NOD2: variants seen among roughly 807,000 people sequenced by gnomAD.
NOD2 encodes the protein nucleotide-binding oligomerization domain-containing protein 2.
Under a neutral mutation model 90.9 loss-of-function variants are expected in NOD2, and 86 were observed. The observed-to-expected ratio is 0.95, with a 90% CI of 0.79 to 1.13. The LOEUF is 1.13. Ranked by LOEUF, NOD2 falls within the 50% of genes most tolerant of loss-of-function variation. NOD2 has a pLI of 0.00. For synonymous variants in NOD2, 581 were observed against 554.6 expected, an observed-to-expected ratio of 1.05 and a Z score of -0.67; for missense variants, 1,238 against 1,283.8, an observed-to-expected ratio of 0.96 and a Z score of 0.55.
At position 50,732,188 on chromosome 16, in the gene NOD2, A is replaced by G; in HGVS notation, c.*369A>G. 1 of 377,494 alleles carries G rather than the reference A, an allele frequency of 2.6e-6. No homozygotes were observed. Among genetic ancestry groups the G allele is most frequent in the Non-Finnish European group, 5.1e-6 (1 of 196,070 alleles). 23.4% of individuals were successfully genotyped at this position (377,494 alleles called of 1,614,324 possible). ...GTTAACTGAGTGCCTTTTGGTGGAG[A>G]GGCCCGGCCTCTCACAAAAGACCCC... On this transcript the variant is annotated 3_prime_UTR_variant, in exon 12 of 12. Transcript: ENST00000647318.
chr16:50,708,971 G>T (rs990150529), intron 3 of NOD2, among the ~76,000 whole-genome samples: 4 of 152,236 alleles, frequency 2.6e-5, no homozygotes, highest in African/African-American at 9.6e-5. Flanking sequence ...GCTAGTCACT[G>T]TAAGACCAGG....
Position 50,710,931 on chromosome 16 carries a change from C to T in NOD2, c.939C>T (p.Ala313=). The T allele has an allele frequency of 1.2e-6, 2 of 1,614,190 alleles. No homozygotes were observed. Among genetic ancestry groups the T allele is most frequent in the Non-Finnish European group, 1.7e-6 (2 of 1,180,034 alleles). Residue 313 remains alanine (A), a synonymous_variant, in exon 4 of 12, where the codon GCC becomes GCT. Coordinates refer to ENST00000647318, the MANE Select transcript of NOD2 (RefSeq NM_001370466.1). ...GCTGCCGGCAGCTGCAGTGCATGGC[C>T]AAACCACTCTCTGTGCGGACTCTAC... The part of the protein sequence containing the change: ...PFSCRQLQCM[A]KPLSVRTLLF...
At chr16:50,726,054 T>C (rs951926446) in intron 10 of NOD2, among the ~76,000 whole-genome samples, 2 of 152,180 alleles carry the variant, frequency 1.3e-5, no homozygotes, top group African/African-American at 4.8e-5. Context: ...GAGAATGGCC[T>C]CAGGCAGAGA....
At chr16:50,727,182 A>G (rs1965296775) in intron 10 of NOD2, among the ~76,000 whole-genome samples, 2 of 152,086 alleles carry the variant, frequency 1.3e-5, no homozygotes, top group Non-Finnish European at 2.9e-5. Context: ...AATTTAAAAA[A>G]AAGAGTCCAG....
intron 11 of NOD2, 71 bp downstream of exon 11, chr16:50,729,972 G>T: frequency 8.7e-7 from 1 of 1,150,854 alleles, no homozygotes; most frequent in East Asian, 2.4e-5. Context: ...TGGGGTGACG[G>T]GAGAGAGGAA....
At chr16:50,704,261 T>G (rs888545079) in intron 2 of NOD2, among the ~76,000 whole-genome samples, 2 of 152,240 alleles carry the variant, frequency 1.3e-5, no homozygotes, top group African/African-American at 2.4e-5. Context: ...TACATGGTCT[T>G]CCTGCCTTGG....
chr16:50,707,951 C>A lies in NOD2; in HGVS notation c.556C>A (p.Pro186Thr). ...VQELPVPLAL[P>T]LEAATCKKYM... ...GGAATTACCAGTCCCATTGGCCCTG[C>A]CTTTGGAAGGTAGGTGTATGTTCTC... The change falls in exon 3 of 12, where the codon CCT (proline) becomes ACT (threonine). Residue 186 changes from proline (P) to threonine (T), a missense_variant. Transcript: ENST00000647318. 1 of 1,609,182 alleles carries A rather than the reference C, an allele frequency of 6.2e-7. No homozygotes were observed. The highest frequency in any genetic ancestry group is 8.5e-7 in the Non-Finnish European group (1 of 1,175,558).
In NOD2 at chr16:50,712,572, A is replaced by G. The variant is rs199475917; in HGVS notation, c.2381+199A>G. The G allele has an allele frequency of 1.7e-4, 112 of 669,936 alleles. 1 individual carries two copies. The African/African-American group carries it at 1.9e-3, about 11-fold the overall frequency. 41.5% of individuals were successfully genotyped at this position (669,936 alleles called of 1,614,324 possible). On this transcript the variant is annotated intron_variant, in intron 4 of 11. Coordinates refer to ENST00000647318, the MANE Select transcript of NOD2 (RefSeq NM_001370466.1). The stretch of plus-strand genomic sequence containing the variant: ...ACAGCCACACTTTATTGACTGGCCT[A>G]TGTGCTGGGTCTGGTGCTATGCTTT...
intron 10 of NOD2, 121 bp downstream of exon 10, chr16:50,725,693 G>T: frequency 1.3e-6 from 1 of 780,536 alleles, no homozygotes; most frequent in South Asian, 1.4e-5. Context: ...TGGTAGAACA[G>T]CTTGCCTTGG....
At chr16:50,728,270 C>T (rs1213298098) in intron 10 of NOD2, 1 of 304,452 alleles carries the variant, frequency 3.3e-6, no homozygotes, top group African/African-American at 2.2e-5. Flanking sequence ...TCCTCATCTT[C>T]AAGGCTCTTA....
chr16:50,715,375 C>A (rs1464978835), intron 4 of NOD2, among the ~76,000 whole-genome samples: 1 of 151,862 alleles, frequency 6.6e-6, no homozygotes, highest in Non-Finnish European at 1.5e-5. Context: ...GCTCACAAGG[C>A]TTTATGTGCA....
intron 10 of NOD2, among the ~76,000 whole-genome samples, chr16:50,726,271 T>C (rs1965261487): frequency 6.6e-6 from 1 of 152,146 alleles, no homozygotes; most frequent in Non-Finnish European, 1.5e-5. Context: ...CAAGTAGACC[T>C]CAGGAACCCC....
chr16:50,697,408 G>GT (rs1963704780), intron 1 of NOD2: 2 of 1,191,996 alleles, frequency 1.7e-6, no homozygotes, highest in Admixed American at 4.0e-5. Context: ...GGGTCAGATG[G>GT]GGAGTGCTGA....
chr16:50,697,081 G>A, intron 1 of NOD2: 3 of 690,844 alleles, frequency 4.3e-6, no homozygotes, highest in Non-Finnish European at 7.8e-6. Context: ...TGGAAGGCTG[G>A]TTGGCCAACT....
intron 2 of NOD2, among the ~76,000 whole-genome samples, chr16:50,704,455 A>G (rs1964089036): frequency 6.6e-6 from 1 of 152,112 alleles, no homozygotes; most frequent in East Asian, 1.9e-4. Flanking sequence ...TGGGCTGGCC[A>G]TCATTTTCCT....
rs761449474 is a variant in NOD2 at position 50,699,693 on chromosome 16, G to A, written c.198G>A (p.Trp66Ter). Residue 66 changes from tryptophan to a stop codon, truncating the protein, a stop_gained, in exon 2 of 12, where the codon TGG becomes TGA. Transcript: ENST00000647318. LOFTEE classifies it high-confidence loss of function. ...HLARRLLDTVWNKGTWACQKL... is the reference protein window; with the variant it reads ...HLARRLLDTV ...CCAGGCGCCTTCTGGACACCGTCTG[G>A]AATAAGGGTACTTGGGCCTGTCAGA... is the stretch of plus-strand genomic sequence containing the variant. The A allele has an allele frequency of 1.7e-5, 27 of 1,614,164 alleles. No homozygotes were observed. The highest frequency in any genetic ancestry group is 5.0e-5 in the Admixed American group (3 of 60,030).
intron 7 of NOD2, among the ~76,000 whole-genome samples, chr16:50,722,410 T>C (rs1339842184): frequency 6.6e-6 from 1 of 152,232 alleles, no homozygotes; most frequent in Non-Finnish European, 1.5e-5. Flanking sequence ...GTAAAGCCAC[T>C]GAAAACTCTT....
chr16:50,720,537 A>C (rs554987179), intron 7 of NOD2, among the ~76,000 whole-genome samples: 2 of 152,232 alleles, frequency 1.3e-5, no homozygotes, highest in Non-Finnish European at 2.9e-5. Flanking sequence ...TCCCTGTAGG[A>C]CCATGCTAGG....
intron 2 of NOD2, among the ~76,000 whole-genome samples, chr16:50,702,226 G>A (rs889085683): frequency 1.2e-4 from 19 of 152,182 alleles, no homozygotes; most frequent in African/African-American, 3.9e-4. Context: ...GAGCCACTGC[G>A]CCCATCTAAG....
Sources: gnomAD v4.1 joint callset for allele counts (sites outside exome capture counted in the v4.1 genomes callset) on GRCh38, gnomAD v4.1.1 for gene constraint, MANE v1.5 for transcripts, NCBI Gene and HGNC (gene_info 2026-07-23, HGNC 2026-07-21) for gene names.